TNFSF11: variants seen among roughly 807,000 people sequenced by gnomAD.
TNFSF11 encodes the protein TNF superfamily member 11, also known as tumor necrosis factor ligand superfamily member 11.
Under a neutral mutation model 32.2 loss-of-function variants are expected in TNFSF11, and 12 were observed. The observed-to-expected ratio is 0.37, with a 90% CI of 0.24 to 0.60. The LOEUF is 0.60. Ranked by LOEUF, TNFSF11 falls within the 20% of genes least tolerant of loss-of-function variation. The pLI is 0.66. For synonymous variants in TNFSF11, 172 were observed against 152.1 expected (o/e 1.13, Z -0.96); for missense variants, 345 against 398.0 (o/e 0.87, Z 1.13).
rs187578154 is a variant in TNFSF11, at chr13:42,604,002, G to T, written c.533-2495G>T. ...CTTCCACATGACTTACCTAACAATG[G>T]GAATGGTAATCGGTCAAGGTTCCTC... On this transcript the variant is annotated intron_variant, in intron 4 of 4. Transcript: ENST00000398795. 4.6e-3 allele frequency among the ~76,000 whole-genome samples: 694 copies of T among 152,186 alleles called. 3 individuals carry two copies. Among genetic ancestry groups the T allele is most frequent in the Non-Finnish European group, 6.5e-3 (445 of 68,002 alleles).
At chr13:42,601,082 G>C (rs1869150650) in intron 4 of TNFSF11, 101 bp downstream of exon 4, 1 of 1,332,842 alleles carries the variant, frequency 7.5e-7, no homozygotes. Flanking sequence ...GAATTTTTGA[G>C]AGCCCTTACT....
chr13:42,588,837 G>A (rs1309808892), intron 2 of TNFSF11, among the ~76,000 whole-genome samples: 3 of 152,152 alleles, frequency 2.0e-5, no homozygotes, highest in East Asian at 3.9e-4. Context: ...TTGAGAAGGA[G>A]TGTGAAGCCT....
At chr13:42,571,057 A>T (rs142750056), upstream of TNFSF11, among the ~76,000 whole-genome samples, 19 of 152,204 alleles carry the variant, frequency 1.2e-4, 1 homozygote, top group East Asian at 2.9e-3. Flanking sequence ...TTTCTAGCCC[A>T]GTGCTGGCAT....
intron 2 of TNFSF11, among the ~76,000 whole-genome samples, chr13:42,588,504 G>T (rs1267983706): frequency 1.3e-5 from 2 of 152,236 alleles, no homozygotes; most frequent in Non-Finnish European, 2.9e-5. Context: ...CCTTCCAGAA[G>T]TGGATGAAAC....
intron 1 of TNFSF11, among the ~76,000 whole-genome samples, chr13:42,566,400 G>A (rs1181700375): frequency 6.6e-6 from 1 of 152,172 alleles, no homozygotes; most frequent in South Asian, 2.1e-4. Flanking sequence ...GAAGGGTCAG[G>A]TATCACCCAA....
chr13:42,579,427 A>AAAAAGG (rs1176726063), intron 1 of TNFSF11, among the ~76,000 whole-genome samples: 1 of 151,492 alleles, frequency 6.6e-6, no homozygotes, highest in East Asian at 1.9e-4. Context: ...AAAAAAAAAA[A>AAAAAGG]AAAAGGAAAA....
At position 42,574,383 on chromosome 13, in the gene TNFSF11, A is replaced by G. The variant is rs200788562; in HGVS notation, c.80A>G (p.Glu27Gly). The G allele has an allele frequency of 4.6e-3, 7,160 of 1,546,982 alleles. 31 individuals are homozygous for G. Among genetic ancestry groups the G allele is most frequent in the South Asian group, 0.016 (1,326 of 84,054 alleles). Residue 27 changes from glutamate (E) to glycine (G), a missense_variant, in exon 1 of 5, where the codon GAG becomes GGG. Around this residue, in one of 2 missense-constraint regions of TNFSF11, gnomAD observed 197 missense variants for 182.0 expected, o/e 1.08. Transcript: ENST00000398795. ...EMGGGPGAPH[E>G]GPLHAPPPPA... ...GGCGGCGGCCCCGGAGCCCCGCACG[A>G]GGGCCCCCTGCACGCCCCGCCGCCG...
intron 2 of TNFSF11, among the ~76,000 whole-genome samples, chr13:42,587,773 A>G (rs1432068049): frequency 6.6e-6 from 1 of 152,260 alleles, no homozygotes; most frequent in East Asian, 1.9e-4. Context: ...ACATATGGGA[A>G]ACAGATCCCC....
chr13:42,600,473 G>C lies in TNFSF11; in HGVS notation c.388-279G>C, dbSNP rs538222664. On this transcript the variant is annotated intron_variant, in intron 2 of 4. Transcript: ENST00000398795. ...CAGATTTTTAATTATGTTCAATTACGCCATGGTTTATAATCTACATCGTCT... is the reference window on the plus strand; with the variant it reads ...CAGATTTTTAATTATGTTCAATTACCCCATGGTTTATAATCTACATCGTCT... Among the ~76,000 whole-genome samples the C allele has an allele frequency of 3.2e-4, 48 of 152,190 alleles. 1 individual carries two copies. The highest frequency in any genetic ancestry group is 1.1e-3 in the African/African-American group (47 of 41,514).
chr13:42,583,440 AAAGG>A lies in TNFSF11; in HGVS notation c.387+2151_387+2154del, dbSNP rs1470179354. Among the ~76,000 whole-genome samples the A allele has an allele frequency of 2.2e-4, 17 of 78,988 alleles. 1 individual carries two copies. Among genetic ancestry groups the A allele is most frequent in the African/African-American group, 7.7e-4 (16 of 20,676 alleles). 51.8% of individuals were successfully genotyped at this position (78,988 alleles called of 152,430 possible). A position where few individuals can be genotyped will look rare whatever the true frequency, so the allele number is the denominator to read the frequency against. On this transcript the variant is annotated intron_variant, in intron 2 of 4. Coordinates refer to ENST00000398795, the MANE Select transcript of TNFSF11 (RefSeq NM_003701.4). ...GCTAAAAAAAAAAAAAAAAAAAAAGAAAGGAAGAAAGGAAGGAAGGAAAAAGATT... is the reference window on the plus strand; with the variant it reads ...GCTAAAAAAAAAAAAAAAAAAAAAGAAAGAAAGGAAGGAAGGAAAAAGATT...
upstream of TNFSF11, chr13:42,574,112 C>A (rs1453326918): frequency 4.0e-5 from 27 of 667,962 alleles, no homozygotes; most frequent in South Asian, 4.5e-4. Flanking sequence ...GGCCAGGGCT[C>A]TCCAAGCGGT....
intron 2 of TNFSF11, among the ~76,000 whole-genome samples, chr13:42,597,909 G>A (rs940618768): frequency 1.3e-5 from 2 of 152,036 alleles, no homozygotes; most frequent in African/African-American, 2.4e-5. Context: ...GAGTGCAGTG[G>A]CACGTCACAG....
rs974223591 is a variant in TNFSF11 at position 42,569,096 on chromosome 13, C to T, written c.-160+2334C>T. 4.6e-5 allele frequency among the ~76,000 whole-genome samples: 7 copies of T among 152,186 alleles called. No homozygotes were observed. The East Asian group carries it at 7.7e-4, about 17-fold the overall frequency. ...TGCAGTAGGTTAACGCCCTCCGCCA[C>T]GAAGGAATCCATATCCTAAGCCCCA... is the stretch of plus-strand genomic sequence containing the variant. On this transcript the variant is annotated intron_variant, in intron 2 of 6. Coordinates refer to the TNFSF11 transcript ENST00000358545.
chr13:42,594,929 T>A (rs1293766668), intron 2 of TNFSF11, among the ~76,000 whole-genome samples: 2 of 149,280 alleles, frequency 1.3e-5, no homozygotes, highest in Non-Finnish European at 3.0e-5. Context: ...TTTTTATGAG[T>A]TAAATAGAAG....
intron 2 of TNFSF11, among the ~76,000 whole-genome samples, chr13:42,594,723 G>C (rs142436287): frequency 1.1e-3 from 174 of 152,264 alleles, no homozygotes; most frequent in African/African-American, 4.1e-3. Context: ...TAAAACGTTT[G>C]AAAAGATGTT....
chr13:42,566,076 A>G (rs1872859152), intron 1 of TNFSF11, among the ~76,000 whole-genome samples: 1 of 152,188 alleles, frequency 6.6e-6, no homozygotes, highest in Non-Finnish European at 1.5e-5. Flanking sequence ...TTCTGGACAA[A>G]ATTATTTACA....
chr13:42,599,604 A>G (rs1869054827), intron 2 of TNFSF11, among the ~76,000 whole-genome samples: 2 of 151,890 alleles, frequency 1.3e-5, no homozygotes, highest in Admixed American at 1.3e-4. Context: ...TAACTCTGTC[A>G]CCCAGGCTGG....
intron 1 of TNFSF11, among the ~76,000 whole-genome samples, chr13:42,574,803 C>T (rs902567127): frequency 4.6e-5 from 7 of 152,206 alleles, no homozygotes; most frequent in Admixed American, 2.0e-4. Flanking sequence ...TCACCCCGTC[C>T]CTTCGCTGGG....
At chr13:42,584,112 G>T (rs1873769659) in intron 2 of TNFSF11, among the ~76,000 whole-genome samples, 1 of 152,022 alleles carries the variant, frequency 6.6e-6, no homozygotes, top group Non-Finnish European at 1.5e-5. Flanking sequence ...CCTCTACAGA[G>T]GCATTTAAAA....
Sources: gnomAD v4.1 joint callset for allele counts (sites outside exome capture counted in the v4.1 genomes callset) on GRCh38, gnomAD v4.1.1 for gene constraint, gnomAD v4.1.1 regional missense constraint, MANE v1.5 for transcripts, NCBI Gene and HGNC (gene_info 2026-07-23, HGNC 2026-07-21) for gene names.